Variants in CNTN5 observed in about 807,000 individuals in gnomAD.
CNTN5 encodes the protein contactin 5.
In CNTN5, 77 loss-of-function variants were observed where a neutral mutation model predicts 129.1. The ratio of observed to expected loss-of-function variants is 0.60; its 90% CI spans 0.50 to 0.72. The LOEUF is 0.72. Ranked by LOEUF, CNTN5 falls within the 30% of genes least tolerant of loss-of-function variation. The probability of loss-of-function intolerance (pLI) is 0.00; values close to 1 mark genes in which losing one functional copy is unlikely to be tolerated. For synonymous variants in CNTN5, 509 were observed against 465.6 expected (o/e 1.09, Z -1.20); for missense variants, 1,478 against 1,328.8 (o/e 1.11, Z -1.75).
chr11:99,046,738 C>A (rs940627763), intron 1 of CNTN5, among the ~76,000 whole-genome samples: 15 of 152,104 alleles, frequency 9.9e-5, no homozygotes, highest in African/African-American at 3.1e-4. Context: ...CTACATAATA[C>A]AAATAAGGAA....
intron 17 of CNTN5, among the ~76,000 whole-genome samples, chr11:100,263,992 G>A (rs1409518857): frequency 1.3e-5 from 2 of 152,168 alleles, no homozygotes; most frequent in East Asian, 1.9e-4. Flanking sequence ...TGCTTCGCTA[G>A]TTACACTTAT....
chr11:99,353,307 A>G (rs949406709), intron 2 of CNTN5, among the ~76,000 whole-genome samples: 4 of 152,210 alleles, frequency 2.6e-5, no homozygotes, highest in African/African-American at 9.6e-5. Flanking sequence ...TACTTCATTT[A>G]CATTTATGTT....
chr11:99,838,174 A>G (rs532031650), intron 4 of CNTN5, among the ~76,000 whole-genome samples: 1 of 152,258 alleles, frequency 6.6e-6, no homozygotes, highest in Admixed American at 6.5e-5. Flanking sequence ...TCTTCAGACA[A>G]TAATCTGTTA....
At chr11:99,113,141 T>A (rs1857879970) in intron 1 of CNTN5, among the ~76,000 whole-genome samples, 1 of 152,042 alleles carries the variant, frequency 6.6e-6, no homozygotes, top group Non-Finnish European at 1.5e-5. Context: ...TATAGAAGCA[T>A]CATGCCATCA....
chr11:100,169,591 T>C (rs567098481), intron 13 of CNTN5, among the ~76,000 whole-genome samples: 44 of 152,118 alleles, frequency 2.9e-4, no homozygotes, highest in African/African-American at 1.0e-3. Context: ...GATATGTGCA[T>C]TGTTTCTTAG....
intron 23 of CNTN5, among the ~76,000 whole-genome samples, chr11:100,344,078 G>C (rs1247184338): frequency 6.6e-6 from 1 of 151,974 alleles, no homozygotes; most frequent in African/African-American, 2.4e-5. Flanking sequence ...ATTAAAAAGG[G>C]AGGTCACTTA....
In CNTN5 at chr11:99,821,729, A is replaced by G. The variant is rs190168116; in HGVS notation, c.277+1964A>G. ...CTTTACAGATAAAACCCTCATTAAAATAAGACCCCCCTTCAAAGATTGAGG... is the reference window on the plus strand; with the variant it reads ...CTTTACAGATAAAACCCTCATTAAAGTAAGACCCCCCTTCAAAGATTGAGG... On this transcript the variant is annotated intron_variant, in intron 4 of 24. Coordinates refer to ENST00000524871, the MANE Select transcript of CNTN5 (RefSeq NM_014361.4). 5.2e-3 allele frequency among the ~76,000 whole-genome samples: 791 copies of G among 152,292 alleles called. 8 individuals carry two copies. Among genetic ancestry groups the G allele is most frequent in the South Asian group, 0.011 (51 of 4,822 alleles).
intron 13 of CNTN5, among the ~76,000 whole-genome samples, chr11:100,138,950 A>G (rs1334462070): frequency 2.0e-5 from 3 of 152,146 alleles, no homozygotes; most frequent in Admixed American, 2.0e-4. Context: ...GGTAGAAATG[A>G]CAGGATTTTC....
At chr11:99,316,815 T>C (rs964477058) in intron 1 of CNTN5, among the ~76,000 whole-genome samples, 3 of 151,122 alleles carry the variant, frequency 2.0e-5, no homozygotes, top group African/African-American at 7.3e-5. Flanking sequence ...TCGGAGGAAA[T>C]AGTGATAACA....
intron 3 of CNTN5, among the ~76,000 whole-genome samples, chr11:99,689,875 G>A (rs1953968025): frequency 6.6e-6 from 1 of 152,018 alleles, no homozygotes; most frequent in Non-Finnish European, 1.5e-5. Flanking sequence ...CCATTCTGTA[G>A]GTTGTTTGAT....
chr11:99,308,551 C>T (rs2135962695), intron 1 of CNTN5, among the ~76,000 whole-genome samples: 1 of 152,140 alleles, frequency 6.6e-6, no homozygotes, highest in East Asian at 1.9e-4. Flanking sequence ...ATAGAACTTT[C>T]AGAACTGGAA....
intron 2 of CNTN5, among the ~76,000 whole-genome samples, chr11:99,385,590 A>C (rs2136172728): frequency 6.6e-6 from 1 of 152,352 alleles, no homozygotes; most frequent in African/African-American, 2.4e-5. Flanking sequence ...AGAGAGAGAA[A>C]ATTTGTAAGA....
chr11:99,438,239 A>G (rs1411236671), intron 2 of CNTN5, among the ~76,000 whole-genome samples: 3 of 152,202 alleles, frequency 2.0e-5, no homozygotes, highest in Non-Finnish European at 2.9e-5. Context: ...ATTTACATGC[A>G]TATTTCAGGA....
At chr11:99,660,680 T>A (rs1952562987) in intron 3 of CNTN5, among the ~76,000 whole-genome samples, 1 of 152,130 alleles carries the variant, frequency 6.6e-6, no homozygotes, top group South Asian at 2.1e-4. Flanking sequence ...ATAAAGATGG[T>A]TCTTACGCTA....
chr11:99,900,529 T>A (rs1006609350), intron 6 of CNTN5, among the ~76,000 whole-genome samples: 2 of 150,990 alleles, frequency 1.3e-5, no homozygotes, highest in Non-Finnish European at 1.5e-5. Flanking sequence ...TATGTTACAT[T>A]TCTACTTTCA....
intron 6 of CNTN5, among the ~76,000 whole-genome samples, chr11:99,846,457 A>G (rs999806881): frequency 2.6e-5 from 4 of 151,958 alleles, no homozygotes; most frequent in African/African-American, 9.7e-5. Context: ...AGAGCTTACA[A>G]TAAATTAAAA....
At chr11:100,350,960 T>C in intron 24 of CNTN5, 90 bp downstream of exon 24, 1 of 1,001,948 alleles carries the variant, frequency 1.0e-6, no homozygotes, top group Non-Finnish European at 1.4e-6. Flanking sequence ...ATAGATTTCA[T>C]GGTTCAGAGA....
At chr11:99,164,087 G>A (rs907724611) in intron 1 of CNTN5, among the ~76,000 whole-genome samples, 1 of 152,104 alleles carries the variant, frequency 6.6e-6, no homozygotes, top group Non-Finnish European at 1.5e-5. Context: ...CAGCAATTTG[G>A]GTGGCCAAGG....
chr11:99,915,931 C>A, intron 6 of CNTN5, 123 bp from the exon 7 acceptor site: 1 of 700,372 alleles, frequency 1.4e-6, no homozygotes, highest in Non-Finnish European at 2.5e-6. Context: ...GCCTTCTTGT[C>A]ACTGATTAAC....
Sources: allele counts gnomAD v4.1 joint callset (sites outside exome capture counted in the v4.1 genomes callset), GRCh38; gene constraint gnomAD v4.1.1; transcripts MANE v1.5; gene names NCBI Gene and HGNC (gene_info 2026-07-23, HGNC 2026-07-21).